The following CACNB4 variants were observed in gnomAD, a reference collection of about 807,000 sequenced individuals.
CACNB4 encodes the protein calcium voltage-gated channel auxiliary subunit beta 4.
Under a neutral mutation model 71.2 loss-of-function variants are expected in CACNB4, and 32 were observed. The ratio of observed to expected loss-of-function variants is 0.45; its 90% CI spans 0.34 to 0.60. The LOEUF is 0.60. Among genes scored for constraint, CACNB4 ranks in the 20% least tolerant of loss-of-function variants. CACNB4 has a pLI of 0.01. For missense variants in CACNB4, 464 were observed against 647.9 expected (o/e 0.72, Z 3.08); for synonymous variants, 231 against 236.9 (o/e 0.97, Z 0.23).
intron 2 of CACNB4, among the ~76,000 whole-genome samples, chr2:152,033,308 A>G (rs1437062649): frequency 1.3e-5 from 2 of 152,260 alleles, no homozygotes; most frequent in Non-Finnish European, 2.9e-5. Context: ...TTGGTGGTGT[A>G]GACGGGCTGC....
At chr2:151,853,851 G>T in intron 11 of CACNB4, 1 of 216,818 alleles carries the variant, frequency 4.6e-6, no homozygotes, top group East Asian at 1.2e-4. Flanking sequence ...GACTGTACCA[G>T]GTCATTTATG....
At chr2:151,951,127 T>C (rs1315045600) in intron 2 of CACNB4, among the ~76,000 whole-genome samples, 1 of 152,112 alleles carries the variant, frequency 6.6e-6, no homozygotes, top group Non-Finnish European at 1.5e-5. Flanking sequence ...GGTTTCGCCA[T>C]GTTGGCCAGA....
At chr2:152,099,091 G>T (rs927473107), upstream of CACNB4, 4 of 944,684 alleles carry the variant, frequency 4.2e-6, no homozygotes, top group African/African-American at 7.1e-5. Flanking sequence ...CGGACGGAGG[G>T]GGAGGGCGCA....
intron 2 of CACNB4, among the ~76,000 whole-genome samples, chr2:151,885,354 A>G (rs548695805): frequency 2.0e-5 from 3 of 152,342 alleles, no homozygotes; most frequent in Admixed American, 6.5e-5. Flanking sequence ...TGTTTTGGAC[A>G]CTTTATCTCA....
chr2:151,890,321 C>T lies in CACNB4; in HGVS notation c.148-6951G>A, dbSNP rs962611291. ...AGCTCCTTTTTAGGTTTCAAAGAGTCGTCAAGGGTAGCAAAGGAGCATGTT... is the reference window on the plus strand; with the variant it reads ...AGCTCCTTTTTAGGTTTCAAAGAGTTGTCAAGGGTAGCAAAGGAGCATGTT... On this transcript the variant is annotated intron_variant, in intron 2 of 13. Transcript: ENST00000539935. 3.9e-5 allele frequency among the ~76,000 whole-genome samples: 6 copies of T among 152,140 alleles called. No homozygotes were observed. The East Asian group carries it at 7.7e-4, about 20-fold the overall frequency.
chr2:152,003,545 A>C (rs992332901), intron 2 of CACNB4, among the ~76,000 whole-genome samples: 4 of 152,008 alleles, frequency 2.6e-5, no homozygotes, highest in African/African-American at 9.7e-5. Flanking sequence ...CCTCCTCTCC[A>C]AAAGAAAGGA....
intron 2 of CACNB4, among the ~76,000 whole-genome samples, chr2:152,031,497 C>A (rs981353714): frequency 6.6e-6 from 1 of 152,128 alleles, no homozygotes; most frequent in Non-Finnish European, 1.5e-5. Context: ...TTGACGGGTG[C>A]TGTGTTATCT....
intron 2 of CACNB4, among the ~76,000 whole-genome samples, chr2:151,937,827 T>C (rs1386961326): frequency 2.6e-5 from 4 of 152,226 alleles, no homozygotes; most frequent in African/African-American, 4.8e-5. Context: ...ATTTCAAGGT[T>C]AGAGGGCACT....
intron 2 of CACNB4, among the ~76,000 whole-genome samples, chr2:151,885,076 T>A (rs894890729): frequency 1.3e-5 from 2 of 152,234 alleles, no homozygotes; most frequent in African/African-American, 4.8e-5. Flanking sequence ...AGGCCATCAT[T>A]CTAGCAAGGG....
intron 2 of CACNB4, among the ~76,000 whole-genome samples, chr2:151,942,108 G>A (rs1332295091): frequency 1.3e-5 from 2 of 149,770 alleles, no homozygotes; most frequent in Non-Finnish European, 2.9e-5. Flanking sequence ...CACAAACTGT[G>A]TGAACAGATA....
intron 2 of CACNB4, among the ~76,000 whole-genome samples, chr2:151,889,687 T>A (rs2099850259): frequency 6.6e-6 from 1 of 152,144 alleles, no homozygotes; most frequent in African/African-American, 2.4e-5. Flanking sequence ...CACAAGGTTG[T>A]CATTAGGCTA....
At chr2:152,005,016 A>C (rs1314359127) in intron 2 of CACNB4, among the ~76,000 whole-genome samples, 4 of 152,168 alleles carry the variant, frequency 2.6e-5, no homozygotes, top group Non-Finnish European at 5.9e-5. Context: ...AAAAGTCAAA[A>C]AATAACAGAT....
intron 2 of CACNB4, among the ~76,000 whole-genome samples, chr2:151,924,053 C>A (rs1213791703): frequency 7.1e-6 from 1 of 141,312 alleles, no homozygotes; most frequent in Non-Finnish European, 1.5e-5. Context: ...TACATACGTG[C>A]GTGTAATCTA....
chr2:151,980,066 A>T (rs2099874450), intron 2 of CACNB4, among the ~76,000 whole-genome samples: 1 of 152,198 alleles, frequency 6.6e-6, no homozygotes, highest in Non-Finnish European at 1.5e-5. Context: ...TAAAATTAGT[A>T]AAACTTTATT....
At chr2:151,964,747 T>G (rs1262035932) in intron 2 of CACNB4, among the ~76,000 whole-genome samples, 1 of 152,220 alleles carries the variant, frequency 6.6e-6, no homozygotes, top group Non-Finnish European at 1.5e-5. Context: ...ACTCTAGGAA[T>G]ATGCATTATG....
At chr2:152,029,712 C>T (rs192703684) in intron 2 of CACNB4, among the ~76,000 whole-genome samples, 5 of 152,016 alleles carry the variant, frequency 3.3e-5, no homozygotes, top group African/African-American at 1.2e-4. Flanking sequence ...TTAGGAGGTG[C>T]TTAGGGCATG....
rs905068496 is a variant in CACNB4 at position 151,876,905 on chromosome 2, G to GTATATGTA, written c.391-357_391-350dup. On this transcript the variant is annotated intron_variant, in intron 4 of 13. Coordinates refer to ENST00000539935, the MANE Select transcript of CACNB4 (RefSeq NM_000726.5). ...CTATACATTTTATATAAACTATATT[G>GTATATGTA]TATATGTATATATGTATATATCTAT... 2.6e-4 allele frequency among the ~76,000 whole-genome samples: 30 copies of GTATATGTA among 113,522 alleles called. 1 individual carries two copies. The highest frequency in any genetic ancestry group is 7.6e-4 in the African/African-American group (25 of 33,112). The allele number at this position is 113,522 out of a possible 152,430, so 74.5% of individuals were successfully genotyped here. A position where few individuals can be genotyped will look rare whatever the true frequency, so the allele number is the denominator to read the frequency against.
intron 4 of CACNB4, chr2:151,880,582 T>G: frequency 1.8e-6 from 1 of 551,948 alleles, no homozygotes; most frequent in Non-Finnish European, 3.1e-6. Flanking sequence ...AATTTTAAGG[T>G]TGACTGTGAT....
intron 2 of CACNB4, among the ~76,000 whole-genome samples, chr2:151,979,068 C>T (rs1451708638): frequency 6.6e-6 from 1 of 152,120 alleles, no homozygotes; most frequent in Non-Finnish European, 1.5e-5. Flanking sequence ...CCATCATCCC[C>T]ACCAGCCACT....
Sources: allele counts gnomAD v4.1 joint callset (sites outside exome capture counted in the v4.1 genomes callset), GRCh38; gene constraint gnomAD v4.1.1; transcripts MANE v1.5; gene names NCBI Gene and HGNC (gene_info 2026-07-23, HGNC 2026-07-21).